Variants in GNPDA2 observed in about 807,000 individuals in gnomAD.
GNPDA2 encodes the protein glucosamine-6-phosphate deaminase 2, also known as glcN6P deaminase 2.
Under a neutral mutation model 27.0 loss-of-function variants are expected in GNPDA2, and 24 were observed. That is an observed-to-expected ratio of 0.89 (90% CI 0.64 to 1.25). The LOEUF is 1.25. Ranked by LOEUF, GNPDA2 falls within the 50% of genes most tolerant of loss-of-function variation. The probability of loss-of-function intolerance (pLI) is 0.00; values close to 1 mark genes in which losing one functional copy is unlikely to be tolerated. For synonymous variants in GNPDA2, 94 were observed against 108.4 expected, an observed-to-expected ratio of 0.87 and a Z score of 0.83; for missense variants, 286 against 335.1, an observed-to-expected ratio of 0.85 and a Z score of 1.14.
chr4:44,703,958 C>T (rs1169181145), intron 6 of GNPDA2: 1 of 984,408 alleles, frequency 1.0e-6, no homozygotes, highest in African/African-American at 1.8e-5. Flanking sequence ...GTATTAAGAA[C>T]ATGGGAGGGT....
chr4:44,711,196 A>G (rs79162045), intron 4 of GNPDA2, 59 bp from the exon 5 acceptor site: 6 of 1,102,442 alleles, frequency 5.4e-6, no homozygotes, highest in Non-Finnish European at 7.3e-6. Context: ...ACAAAGTTCA[A>G]TGTGCGTTAA....
chr4:44,718,678 C>T (rs2109716214), intron 2 of GNPDA2, among the ~76,000 whole-genome samples: 1 of 151,918 alleles, frequency 6.6e-6, no homozygotes, highest in Non-Finnish European at 1.5e-5. Context: ...TATACTATAA[C>T]AAATTCTAAG....
At chr4:44,707,410 T>C in intron 6 of GNPDA2, 1 of 312,040 alleles carries the variant, frequency 3.2e-6, no homozygotes, top group African/African-American at 2.1e-5. Flanking sequence ...GTGGGACTAG[T>C]AAACATGAAA....
At chr4:44,703,687 T>C (rs987054665) in intron 6 of GNPDA2, 22 of 983,874 alleles carry the variant, frequency 2.2e-5, no homozygotes, top group Non-Finnish European at 2.5e-5. Flanking sequence ...ACAACCTGTA[T>C]TAAATCATTT....
At chr4:44,703,461 G>T in intron 6 of GNPDA2, 1 of 1,055,136 alleles carries the variant, frequency 9.5e-7, no homozygotes, top group Non-Finnish European at 1.1e-6. Flanking sequence ...TAGATAATAG[G>T]TTTTAATTAT....
chr4:44,719,061 CAT>C (rs1202358886), intron 2 of GNPDA2, among the ~76,000 whole-genome samples: 8 of 151,928 alleles, frequency 5.3e-5, no homozygotes, highest in Admixed American at 2.0e-4. Flanking sequence ...TTTATAAAAT[CAT>C]AGTTTGATAT....
At chr4:44,720,470 C>T (rs918567367) in intron 2 of GNPDA2, among the ~76,000 whole-genome samples, 2 of 152,074 alleles carry the variant, frequency 1.3e-5, no homozygotes, top group Non-Finnish European at 2.9e-5. Flanking sequence ...ATATGCCTAG[C>T]CCAGTTCTGT....
At position 44,702,308 on chromosome 4, in the gene GNPDA2, A is replaced by C; in HGVS notation, c.*773T>G. 1 of 675,670 alleles carries C rather than the reference A, an allele frequency of 1.5e-6. No individual in the cohort carries two copies. Among genetic ancestry groups the C allele is most frequent in the Non-Finnish European group, 1.8e-6 (1 of 547,072 alleles). 41.9% of individuals were successfully genotyped at this position (675,670 alleles called of 1,614,324 possible). On this transcript the variant is annotated 3_prime_UTR_variant, in exon 7 of 7. Transcript: ENST00000295448. ...AAGGAATAAAGCTAATTGTATATTA[A>C]GTTTAACAATAATCAGAAAATATTC...
chr4:44,714,276 C>T, intron 4 of GNPDA2: 2 of 984,510 alleles, frequency 2.0e-6, no homozygotes, highest in East Asian at 1.1e-4. Context: ...GATCCCAGCC[C>T]TAGATTTTAT....
intron 4 of GNPDA2, among the ~76,000 whole-genome samples, chr4:44,711,440 A>G (rs1055856430): frequency 6.6e-6 from 1 of 152,172 alleles, no homozygotes; most frequent in Admixed American, 6.5e-5. Context: ...ATATTATTTA[A>G]TAATCTTATG....
chr4:44,702,529 C>T lies in GNPDA2; in HGVS notation c.*552G>A. 1.0e-6 allele frequency: 1 copy of T among 986,312 alleles called. No individual in the cohort carries two copies. The highest frequency in any genetic ancestry group is 1.2e-6 in the Non-Finnish European group (1 of 830,278). The allele number at this position is 986,312 out of a possible 1,614,324, so 61.1% of individuals were successfully genotyped here. On this transcript the variant is annotated 3_prime_UTR_variant, in exon 7 of 7. Transcript: ENST00000295448. ...TGTAAACTGTACTTTTAGGCACTGT[C>T]ATCTCTTCAAATTTCCTTTACCAAT... is the stretch of plus-strand genomic sequence containing the variant.
intron 4 of GNPDA2, among the ~76,000 whole-genome samples, chr4:44,711,968 G>A (rs373528358): frequency 7.9e-5 from 12 of 151,820 alleles, no homozygotes; most frequent in African/African-American, 2.7e-4. Context: ...GCACGTGACT[G>A]GCTATATTGA....
chr4:44,705,595 C>T (rs780707431), intron 6 of GNPDA2: 89 of 390,536 alleles, frequency 2.3e-4, no homozygotes, highest in Non-Finnish European at 2.7e-4. Flanking sequence ...TAACATATGT[C>T]GATATACCTT....
Position 44,702,855 on chromosome 4 carries a change from A to G in GNPDA2, c.*226T>C. On this transcript the variant is annotated 3_prime_UTR_variant, in exon 7 of 7. Coordinates refer to ENST00000295448, the MANE Select transcript of GNPDA2 (RefSeq NM_138335.3). ...TTATAGGTGGCTATGTGACTTCAGT[A>G]CTTTATAATAAATAGCCAGTCAATC... The G allele has an allele frequency of 1.5e-6, 2 of 1,374,792 alleles. No individual in the cohort carries two copies. Among genetic ancestry groups the G allele is most frequent in the South Asian group, 3.4e-5 (2 of 59,236 alleles). The allele number at this position is 1,374,792 out of a possible 1,614,324, so 85.2% of individuals were successfully genotyped here.
intron 6 of GNPDA2, chr4:44,704,198 G>A: frequency 2.0e-6 from 2 of 983,890 alleles, no homozygotes; most frequent in Non-Finnish European, 2.4e-6. Context: ...AGGGAAGGGG[G>A]AAGCATTCCA....
chr4:44,707,726 G>A (rs1411916915), intron 6 of GNPDA2, 26 bp downstream of exon 6: 1 of 1,595,006 alleles, frequency 6.3e-7, no homozygotes. Flanking sequence ...GATTATCTCA[G>A]TCGGCTTTTG....
intron 1 of GNPDA2, among the ~76,000 whole-genome samples, chr4:44,725,968 G>A (rs1163934140): frequency 6.6e-6 from 1 of 152,152 alleles, no homozygotes; most frequent in Non-Finnish European, 1.5e-5. Flanking sequence ...TACACTTGCA[G>A]AACCTCTGCT....
chr4:44,707,689 A>G, intron 6 of GNPDA2, 63 bp downstream of exon 6: 2 of 1,407,860 alleles, frequency 1.4e-6, no homozygotes, highest in Non-Finnish European at 2.0e-6. Context: ...CCACAGTCAC[A>G]GTAAGTTTTA....
chr4:44,718,965 T>A (rs1158438289), intron 2 of GNPDA2, among the ~76,000 whole-genome samples: 1 of 151,942 alleles, frequency 6.6e-6, no homozygotes, highest in East Asian at 1.9e-4. Flanking sequence ...AGCTAAAATG[T>A]GTAAGGTGAG....
Sources: allele counts gnomAD v4.1 joint callset (sites outside exome capture counted in the v4.1 genomes callset), GRCh38; gene constraint gnomAD v4.1.1; transcripts MANE v1.5; gene names NCBI Gene and HGNC (gene_info 2026-07-23, HGNC 2026-07-21).